The following LRP1B variants were observed in gnomAD, a reference collection of about 807,000 sequenced individuals.
LRP1B encodes the protein low-density lipoprotein receptor-related protein 1B.
Under a neutral mutation model 556.6 loss-of-function variants are expected in LRP1B, and 217 were observed. The observed-to-expected ratio is 0.39, with a 90% CI of 0.35 to 0.44. The LOEUF is 0.44. Ranked by LOEUF, LRP1B falls within the 20% of genes least tolerant of loss-of-function variation. The pLI is 1.00. For missense variants in LRP1B, 5,053 were observed against 5,620.8 expected (o/e 0.90, Z 3.23); for synonymous variants, 2,047 against 1,865.8 (o/e 1.10, Z -2.50).
At chr2:141,166,367 C>CTTTTTTTT (rs35200370) in intron 7 of LRP1B, among the ~76,000 whole-genome samples, 2 of 132,738 alleles carry the variant, frequency 1.5e-5, no homozygotes, top group African/African-American at 2.8e-5. Flanking sequence ...CTCTCTCATT[C>CTTTTTTTT]TTTTTTTTTT....
chr2:140,849,739 G>A (rs35479097), intron 29 of LRP1B, among the ~76,000 whole-genome samples: 4,113 of 151,926 alleles, frequency 0.027, 61 homozygotes, highest in African/African-American at 0.034. Flanking sequence ...GGGTTTCACC[G>A]TGTTGGTTCA....
chr2:140,234,339 A>C (rs1680603089), intron 90 of LRP1B, among the ~76,000 whole-genome samples: 1 of 151,256 alleles, frequency 6.6e-6, no homozygotes, highest in Admixed American at 6.6e-5. Context: ...TGTTTTTGAG[A>C]GTGGTTTTGT....
chr2:141,864,736 T>C (rs1034990685), intron 1 of LRP1B, among the ~76,000 whole-genome samples: 2 of 151,560 alleles, frequency 1.3e-5, no homozygotes, highest in Non-Finnish European at 2.9e-5. Flanking sequence ...ACAAAAAATA[T>C]CTGGGCGTGG....
At chr2:141,771,428 C>A (rs1363700439) in intron 2 of LRP1B, among the ~76,000 whole-genome samples, 2 of 152,138 alleles carry the variant, frequency 1.3e-5, no homozygotes, top group Non-Finnish European at 2.9e-5. Context: ...TGTTAACAGT[C>A]TTTTCCAGTG....
At position 141,624,036 on chromosome 2, in the gene LRP1B, C is replaced by CAA; in HGVS notation, c.206-143505_206-143504dup. 4.7e-4 allele frequency among the ~76,000 whole-genome samples: 43 copies of CAA among 90,728 alleles called. 2 individuals are homozygous for CAA. Among genetic ancestry groups the CAA allele is most frequent in the African/African-American group, 1.3e-3 (32 of 24,198 alleles). 59.5% of individuals were successfully genotyped at this position (90,728 alleles called of 152,430 possible). ...AACTCAAAAAAAAAAAAAAATTAAACAAAAAAAAAAAGAAAAGAAAAAAAA... is the reference window on the plus strand; with the variant it reads ...AACTCAAAAAAAAAAAAAAATTAAACAAAAAAAAAAAAAGAAAAGAAAAAAAA... On this transcript the variant is annotated intron_variant, in intron 2 of 90. Transcript: ENST00000389484.
chr2:141,534,147 G>A (rs1394813065), intron 2 of LRP1B, among the ~76,000 whole-genome samples: 2 of 152,120 alleles, frequency 1.3e-5, no homozygotes, highest in East Asian at 3.9e-4. Context: ...CCATCAAGAG[G>A]ATATCCTCTG....
Position 140,903,092 on chromosome 2 carries a change from G to C in LRP1B, c.3594C>G (p.Ser1198=), listed in dbSNP as rs1207190113. ...TGTTGAGTTGAAGTCCTTCAGGGCAGGAACAGACAATTCCTCTTCCAGGAA... is the reference window on the plus strand; with the variant it reads ...TGTTGAGTTGAAGTCCTTCAGGGCACGAACAGACAATTCCTCTTCCAGGAA... ...SVVPGRGIVC[S]CPEGLQLNKD... is the part of the protein sequence containing the mutation. The change falls in exon 23 of 91, where the codon TCC becomes TCG. Residue 1198 remains serine, a synonymous_variant. Transcript: ENST00000389484. 1.2e-6 allele frequency: 2 copies of C among 1,613,556 alleles called. No homozygotes were observed. Among genetic ancestry groups the C allele is most frequent in the Admixed American group, 3.3e-5 (2 of 59,922 alleles).
chr2:141,293,903 T>C (rs1184977318), intron 3 of LRP1B, among the ~76,000 whole-genome samples: 4 of 152,106 alleles, frequency 2.6e-5, no homozygotes, highest in South Asian at 2.1e-4. Context: ...AATAGAACAA[T>C]TGGAAAGCAC....
At chr2:141,384,590 G>A (rs1026477685) in intron 3 of LRP1B, among the ~76,000 whole-genome samples, 1 of 152,094 alleles carries the variant, frequency 6.6e-6, no homozygotes, top group Admixed American at 6.5e-5. Context: ...TGGCCTCTGA[G>A]GAGAAAAGTC....
intron 18 of LRP1B, among the ~76,000 whole-genome samples, chr2:140,965,936 C>T (rs1449757988): frequency 4.0e-5 from 6 of 151,364 alleles, no homozygotes; most frequent in Admixed American, 1.3e-4. Context: ...GTGCCACATT[C>T]TCTTAATCCA....
intron 35 of LRP1B, among the ~76,000 whole-genome samples, chr2:140,726,532 A>G (rs1687600586): frequency 6.6e-6 from 1 of 152,142 alleles, no homozygotes; most frequent in African/African-American, 2.4e-5. Context: ...AAAATGTGGG[A>G]GTGATATGAC....
At chr2:140,991,354 T>C (rs1253633627) in intron 16 of LRP1B, among the ~76,000 whole-genome samples, 1 of 152,156 alleles carries the variant, frequency 6.6e-6, no homozygotes, top group East Asian at 1.9e-4. Flanking sequence ...TTGCAGATTA[T>C]GGGTGTTTAA....
chr2:140,769,077 T>C (rs1689212825), intron 35 of LRP1B, 136 bp downstream of exon 35: 1 of 786,928 alleles, frequency 1.3e-6, no homozygotes. Context: ...ATGATTGGCC[T>C]TAATATTTAT....
intron 3 of LRP1B, among the ~76,000 whole-genome samples, chr2:141,341,340 T>G (rs1031401750): frequency 1.3e-5 from 2 of 152,200 alleles, no homozygotes; most frequent in African/African-American, 4.8e-5. Flanking sequence ...TTTTTTATCT[T>G]GAACTGTTTA....
intron 24 of LRP1B, 56 bp from the exon 25 acceptor site, chr2:140,884,077 A>G: frequency 2.0e-6 from 3 of 1,479,604 alleles, no homozygotes; most frequent in Non-Finnish European, 2.8e-6. Flanking sequence ...GTTAAGCACA[A>G]AGGAAAAGGC....
chr2:141,603,779 A>C (rs1005774382), intron 2 of LRP1B, among the ~76,000 whole-genome samples: 4 of 152,190 alleles, frequency 2.6e-5, no homozygotes, highest in African/African-American at 9.7e-5. Context: ...TCTTCAGGTA[A>C]GTTTCTTCTC....
At chr2:141,220,601 T>G (rs1682995453) in intron 6 of LRP1B, among the ~76,000 whole-genome samples, 1 of 135,468 alleles carries the variant, frequency 7.4e-6, no homozygotes, top group South Asian at 2.4e-4. Context: ...CCAAGACACA[T>G]AATCAGATTC....
intron 1 of LRP1B, among the ~76,000 whole-genome samples, chr2:141,899,212 T>C (rs1311221357): frequency 2.0e-5 from 3 of 152,130 alleles, no homozygotes; most frequent in Non-Finnish European, 4.4e-5. Context: ...CCAGCTTTAA[T>C]TGAGACTGCT....
intron 3 of LRP1B, among the ~76,000 whole-genome samples, chr2:141,480,159 T>TTGTGTGTGTGTGTGTGTG (rs5834837): frequency 6.7e-6 from 1 of 149,864 alleles, no homozygotes; most frequent in African/African-American, 2.5e-5. Context: ...AAGTCTAAAT[T>TTGTGTGTGTGTGTGTGTG]TGTGTGTGTG....
Sources: gnomAD v4.1 joint callset for allele counts (sites outside exome capture counted in the v4.1 genomes callset) on GRCh38, gnomAD v4.1.1 for gene constraint, MANE v1.5 for transcripts, NCBI Gene and HGNC (gene_info 2026-07-23, HGNC 2026-07-21) for gene names.